Variants in RANBP1 observed in about 807,000 individuals in gnomAD.
RANBP1 encodes ran-specific GTPase-activating protein.
RANBP1 carries 16 observed loss-of-function variants against 31.4 expected under a neutral mutation model. That is an observed-to-expected ratio of 0.51 (90% CI 0.34 to 0.77). The LOEUF is 0.77. Among genes scored for constraint, RANBP1 ranks in the 30% least tolerant of loss-of-function variants. The probability of loss-of-function intolerance (pLI) is 0.01; values close to 1 mark genes in which losing one functional copy is unlikely to be tolerated. For missense variants in RANBP1, 265 were observed against 362.0 expected (o/e 0.73, Z 2.17); for synonymous variants, 129 against 140.5 (o/e 0.92, Z 0.58).
intron 1 of RANBP1, chr22:20,118,406 C>T: frequency 1.1e-6 from 1 of 930,310 alleles, no homozygotes; most frequent in Non-Finnish European, 1.3e-6. Flanking sequence ...TTCACCGGTA[C>T]AATTTATCTA....
intron 1 of RANBP1, 100 bp from the exon 2 acceptor site, chr22:20,118,913 C>T (rs2050113813): frequency 8.1e-7 from 1 of 1,240,474 alleles, no homozygotes; most frequent in Non-Finnish European, 1.1e-6. Context: ...TATCTGAAGT[C>T]CCTTCATTGT....
intron 1 of RANBP1, chr22:20,116,748 C>G (rs775044658): frequency 4.8e-4 from 674 of 1,405,058 alleles, no homozygotes; most frequent in Non-Finnish European, 6.2e-4. Context: ...GTCTACCCTC[C>G]CGACCCCATT....
At chr22:20,125,545 CTG>C (rs1392828883) in intron 4 of RANBP1, 109 bp downstream of exon 4, 2 of 1,539,816 alleles carry the variant, frequency 1.3e-6, no homozygotes, top group East Asian at 4.9e-5. Context: ...GGGGCAGTAA[CTG>C]GGAAGTGTGT....
intron 3 of RANBP1, 121 bp from the exon 4 acceptor site, chr22:20,125,187 T>C (rs1251610167): frequency 9.0e-7 from 1 of 1,114,342 alleles, no homozygotes. Flanking sequence ...AACCCCAGAC[T>C]GTCCCCGTGT....
chr22:20,118,903 T>C (rs1370217836), intron 1 of RANBP1, 110 bp from the exon 2 acceptor site: 2 of 1,154,474 alleles, frequency 1.7e-6, no homozygotes, highest in African/African-American at 1.6e-5. Context: ...CCCATCCTTG[T>C]ATCTGAAGTC....
chr22:20,118,134 C>A, intron 1 of RANBP1: 1 of 1,001,000 alleles, frequency 1.0e-6, no homozygotes, highest in African/African-American at 1.7e-5. Flanking sequence ...GGGCACAGGT[C>A]CTAGATGCGC....
intron 2 of RANBP1, among the ~76,000 whole-genome samples, chr22:20,121,996 C>T (rs917309421): frequency 1.3e-5 from 2 of 152,180 alleles, no homozygotes; most frequent in East Asian, 1.9e-4. Flanking sequence ...GCCTCGGCCT[C>T]CCCGAATGCT....
At chr22:20,122,143 A>T in intron 2 of RANBP1, 121 bp from the exon 3 acceptor site, 1 of 1,089,812 alleles carries the variant, frequency 9.2e-7, no homozygotes, top group Non-Finnish European at 1.3e-6. Context: ...AGCCTGAAGA[A>T]GGGCTGGGGC....
intron 5 of RANBP1, 33 bp downstream of exon 5, chr22:20,126,401 T>C (rs771198417): frequency 6.2e-6 from 10 of 1,613,710 alleles, no homozygotes; most frequent in Non-Finnish European, 8.5e-6. Flanking sequence ...GGGGCTTCTT[T>C]GCAGACTCAC....
At chr22:20,123,173 T>C (rs906068221) in intron 3 of RANBP1, among the ~76,000 whole-genome samples, 6 of 116,780 alleles carry the variant, frequency 5.1e-5, no homozygotes, top group Admixed American at 8.9e-5. Context: ...TGTCGGGGCA[T>C]GTGTGGTGTC....
Position 20,125,192 on chromosome 22 carries a change from C to T in RANBP1, c.542-116C>T. Reference sequence around the variant, plus strand: ...CTGGTTCTCCAACCCCAGACTGTCCCCGTGTTGTCTGAAGCAGACCCCTCA... The same window carrying T: ...CTGGTTCTCCAACCCCAGACTGTCCTCGTGTTGTCTGAAGCAGACCCCTCA... On this transcript the variant is annotated intron_variant, in intron 3 of 5. Coordinates refer to ENST00000430524, the MANE Select transcript of RANBP1 (RefSeq NM_001278639.2). The T allele has an allele frequency of 2.5e-6, 3 of 1,187,934 alleles. No individual in the cohort carries two copies. In the South Asian group the frequency reaches 3.8e-5, roughly 15 times the overall value. 73.6% of individuals were successfully genotyped at this position (1,187,934 alleles called of 1,614,324 possible). A position where few individuals can be genotyped will look rare whatever the true frequency, so the allele number is the denominator to read the frequency against.
At chr22:20,117,356 G>C in intron 1 of RANBP1, 2 of 1,217,840 alleles carry the variant, frequency 1.6e-6, no homozygotes. Flanking sequence ...CGCTCCTCTG[G>C]CTGACGGGCG....
At chr22:20,116,735 C>T (rs1030152394) in intron 1 of RANBP1, 7 of 1,402,892 alleles carry the variant, frequency 5.0e-6, no homozygotes, top group Admixed American at 4.3e-5. Flanking sequence ...TGCCCCTCCC[C>T]CAGTCTACCC....
rs143522120 is a variant in RANBP1 at position 20,125,446 on chromosome 22, G to A, written c.670+10G>A. ...TTCCTGAATGCTGAGAGTGAGCCAAGGGCCCTGGGGACCTGCCTGACTTGG... is the reference window on the plus strand; with the variant it reads ...TTCCTGAATGCTGAGAGTGAGCCAAAGGCCCTGGGGACCTGCCTGACTTGG... On this transcript the variant is annotated intron_variant, in intron 4 of 5. Coordinates refer to ENST00000430524, the MANE Select transcript of RANBP1 (RefSeq NM_001278639.2). 141 of 1,596,458 alleles carry A rather than the reference G, an allele frequency of 8.8e-5. No individual in the cohort carries two copies. In the African/African-American group the frequency reaches 1.7e-3, roughly 20 times the overall value.
At chr22:20,125,281 C>T in intron 3 of RANBP1, 27 bp from the exon 4 acceptor site, 1 of 1,611,232 alleles carries the variant, frequency 6.2e-7, no homozygotes, top group Non-Finnish European at 8.5e-7. Context: ...GTCATCTCAC[C>T]ATCTTCACGA....
chr22:20,119,361 G>A lies in RANBP1; in HGVS notation c.383+212G>A. The stretch of plus-strand genomic sequence containing the variant: ...CTGCCCTGCAGCCAGTTGCATGAAG[G>A]GCATCCCATCTTGCTGCTCTGTCCA... On this transcript the variant is annotated intron_variant, in intron 2 of 5. Transcript: ENST00000430524. 5.3e-6 allele frequency: 3 copies of A among 563,038 alleles called. No homozygotes were observed. In the South Asian group the frequency reaches 6.2e-5, roughly 12 times the overall value. 34.9% of individuals were successfully genotyped at this position (563,038 alleles called of 1,614,324 possible).
chr22:20,123,352 G>T (rs1250073293), intron 3 of RANBP1, among the ~76,000 whole-genome samples: 2 of 92,366 alleles, frequency 2.2e-5, no homozygotes, highest in Non-Finnish European at 4.3e-5. Flanking sequence ...GGGGTGTGTG[G>T]TGTCTGGGGG....
Position 20,123,178 on chromosome 22 carries a change from G to C in RANBP1, c.541+757G>C, listed in dbSNP as rs572482920. Among the ~76,000 whole-genome samples the C allele has an allele frequency of 3.6e-5, 5 of 138,322 alleles. 1 individual carries two copies. The East Asian group carries it at 1.1e-3, about 31-fold the overall frequency. 90.7% of individuals were successfully genotyped at this position (138,322 alleles called of 152,430 possible). On this transcript the variant is annotated intron_variant, in intron 3 of 5. Coordinates refer to ENST00000430524, the MANE Select transcript of RANBP1 (RefSeq NM_001278639.2). ...TCTGAAGGTGTGTCGGGGCATGTGT[G>C]GTGTCTGAAGGTGTGTGGTGTCTGG...
At chr22:20,119,325 AGAT>A in intron 2 of RANBP1, 176 bp downstream of exon 2, 1 of 630,966 alleles carries the variant, frequency 1.6e-6, no homozygotes, top group Non-Finnish European at 2.7e-6. Context: ...AATCTTCACC[AGAT>A]GCCCTTGCTG....
Sources: allele counts gnomAD v4.1 joint callset (sites outside exome capture counted in the v4.1 genomes callset), GRCh38; gene constraint gnomAD v4.1.1; transcripts MANE v1.5; gene names NCBI Gene and HGNC (gene_info 2026-07-23, HGNC 2026-07-21).